CRADD: variants seen among roughly 807,000 people sequenced by gnomAD.
CRADD encodes the protein death domain-containing protein CRADD.
CRADD carries 9 observed loss-of-function variants against 15.5 expected under a neutral mutation model. The ratio of observed to expected loss-of-function variants is 0.58; its 90% confidence interval spans 0.35 to 1.01. The LOEUF (loss-of-function observed/expected upper bound fraction) is 1.01, where lower values mean the gene tolerates loss of function less well. CRADD is among the 50% of genes least tolerant of loss of function. The pLI, the probability that CRADD is intolerant of heterozygous loss-of-function variation, is 0.02. For missense variants in CRADD, 227 were observed against 250.3 expected (o/e 0.91, Z 0.63); for synonymous variants, 118 against 107.6 (o/e 1.10, Z -0.60).
intron 2 of CRADD, among the ~76,000 whole-genome samples, chr12:93,715,341 A>G (rs1956143334): frequency 1.3e-5 from 2 of 152,214 alleles, no homozygotes; most frequent in Non-Finnish European, 2.9e-5. Flanking sequence ...TATTTGTCAC[A>G]AAAATACTTC....
intron 2 of CRADD, among the ~76,000 whole-genome samples, chr12:93,688,535 C>G (rs1384420722): frequency 4.0e-5 from 6 of 151,060 alleles, no homozygotes; most frequent in Non-Finnish European, 8.8e-5. Flanking sequence ...TTGTGTCTCA[C>G]AAAGAACTTC....
At chr12:93,738,583 C>A (rs1248877128) in intron 2 of CRADD, 4 of 648,580 alleles carry the variant, frequency 6.2e-6, no homozygotes, top group African/African-American at 5.4e-5. Flanking sequence ...CCCACCGCCA[C>A]CCCCTGCACC....
intron 2 of CRADD, among the ~76,000 whole-genome samples, chr12:93,770,316 C>T (rs1325279845): frequency 1.3e-5 from 2 of 152,132 alleles, no homozygotes; most frequent in South Asian, 2.1e-4. Context: ...CCAGGATGGT[C>T]TCGATCTCCT....
At chr12:93,883,906 C>T (rs11837403) in intron 2 of CRADD, among the ~76,000 whole-genome samples, 1,750 of 152,224 alleles carry the variant, frequency 0.011, 44 homozygotes, top group African/African-American at 0.04. Flanking sequence ...ATGAAGGGTA[C>T]GTTCTGAGAA....
intron 2 of CRADD, among the ~76,000 whole-genome samples, chr12:93,745,199 G>A (rs1956731954): frequency 6.6e-6 from 1 of 152,056 alleles, no homozygotes; most frequent in African/African-American, 2.4e-5. Context: ...CAAATTTACT[G>A]TTTATGGATC....
At chr12:93,792,920 A>G (rs1035792108) in intron 2 of CRADD, among the ~76,000 whole-genome samples, 2 of 152,202 alleles carry the variant, frequency 1.3e-5, no homozygotes, top group African/African-American at 2.4e-5. Flanking sequence ...AATGTTAACA[A>G]TATATAGAAT....
chr12:93,711,055 C>CCTTT, intron 2 of CRADD, among the ~76,000 whole-genome samples: 1 of 43,508 alleles, frequency 2.3e-5, no homozygotes, highest in African/African-American at 8.5e-5. Context: ...CCACCCCCGC[C>CCTTT]TTTTTTTTTT....
rs1178051555 is a variant in CRADD at position 93,824,007 on chromosome 12, T to C, written c.299-25963T>C. Among the ~76,000 whole-genome samples, 1 of 152,182 alleles carries C rather than the reference T, an allele frequency of 6.6e-6. No homozygotes were observed. Among genetic ancestry groups the C allele is most frequent in the Non-Finnish European group, 1.5e-5 (1 of 68,024 alleles). Reference sequence around the variant, plus strand: ...ACAGTGACCCAAACTGACAAAATAATGAAATACATGGCGTTTCCCCAGTGA... The same window carrying C: ...ACAGTGACCCAAACTGACAAAATAACGAAATACATGGCGTTTCCCCAGTGA... On this transcript the variant is annotated intron_variant, in intron 2 of 2. Transcript: ENST00000332896. This position sits in a 1 kb window ranked among gnomAD's most constrained non-coding sequence, Gnocchi z 4.3.
chr12:93,834,832 TC>T (rs912896537), intron 2 of CRADD, among the ~76,000 whole-genome samples: 3 of 152,212 alleles, frequency 2.0e-5, no homozygotes, highest in Non-Finnish European at 4.4e-5. Flanking sequence ...CCAGTACTAA[TC>T]TTTTTCCTAT....
At chr12:93,845,028 T>C (rs10745664) in intron 2 of CRADD, among the ~76,000 whole-genome samples, 129,099 of 152,212 alleles carry the variant, frequency 0.85, 55,275 homozygotes, top group African/African-American at 0.96. Context: ...GGAAGGCACC[T>C]GGGGAGGCCA....
intron 2 of CRADD, among the ~76,000 whole-genome samples, chr12:93,890,901 C>T (rs996306253): frequency 6.6e-6 from 1 of 151,766 alleles, no homozygotes; most frequent in Non-Finnish European, 1.5e-5. Context: ...AGGCACGTGC[C>T]ACACCTGACT....
At chr12:93,728,443 C>T (rs2885691) in intron 2 of CRADD, among the ~76,000 whole-genome samples, 60,758 of 152,030 alleles carry the variant, frequency 0.4, 12,674 homozygotes, top group East Asian at 0.57. Flanking sequence ...GTAGTAAATA[C>T]GTCAATATCA....
At chr12:93,808,630 A>C (rs948732197) in intron 2 of CRADD, among the ~76,000 whole-genome samples, 2 of 152,120 alleles carry the variant, frequency 1.3e-5, no homozygotes, top group African/African-American at 4.8e-5. Context: ...GTCAGGTCAC[A>C]GTATTTTGGA....
intron 2 of CRADD, among the ~76,000 whole-genome samples, chr12:93,821,109 C>CA (rs1957764584): frequency 6.6e-6 from 1 of 152,178 alleles, no homozygotes; most frequent in African/African-American, 2.4e-5. Flanking sequence ...ACTATTAAAA[C>CA]AGAGATTTTA....
intron 2 of CRADD, among the ~76,000 whole-genome samples, chr12:93,800,873 C>G (rs1957470346): frequency 6.6e-6 from 1 of 152,150 alleles, no homozygotes; most frequent in African/African-American, 2.4e-5. Context: ...CCCCTTAAGC[C>G]CAGTCAAGTT....
chr12:93,795,346 A>T (rs895908604), intron 2 of CRADD, among the ~76,000 whole-genome samples: 8 of 152,136 alleles, frequency 5.3e-5, no homozygotes, highest in Non-Finnish European at 1.0e-4. Context: ...GTGCTTGCAA[A>T]CTGTGTAAAG....
At position 93,782,495 on chromosome 12, in the gene CRADD, A is replaced by C. The variant is rs562866145; in HGVS notation, c.299-67475A>C. On this transcript the variant is annotated intron_variant, in intron 2 of 2. Transcript: ENST00000332896. ...TACCTTAAAACTTAAAGTATAATTA[A>C]AAAAAACAAAAAGACTTAAGGGTGG... Among the ~76,000 whole-genome samples the C allele has an allele frequency of 2.8e-3, 419 of 152,106 alleles. 2 individuals carry two copies. Among genetic ancestry groups the C allele is most frequent in the African/African-American group, 8.6e-3 (357 of 41,504 alleles).
At chr12:93,734,271 A>T (rs1427031863) in intron 2 of CRADD, among the ~76,000 whole-genome samples, 1 of 152,202 alleles carries the variant, frequency 6.6e-6, no homozygotes, top group Admixed American at 6.5e-5. Context: ...CATTTTAGAG[A>T]TTCAAAGCAT....
At chr12:93,844,328 T>C (rs911200863) in intron 2 of CRADD, among the ~76,000 whole-genome samples, 3 of 152,184 alleles carry the variant, frequency 2.0e-5, no homozygotes, top group Non-Finnish European at 4.4e-5. Context: ...AGTAACCTTG[T>C]GTTCAGCAGA....
Sources: gnomAD v4.1 joint callset for allele counts (sites outside exome capture counted in the v4.1 genomes callset) on GRCh38, gnomAD v4.1.1 for gene constraint, Gnocchi (gnomAD v3.1) non-coding constraint, MANE v1.5 for transcripts, NCBI Gene and HGNC (gene_info 2026-07-23, HGNC 2026-07-21) for gene names.